PTPN4: variants seen among roughly 807,000 people sequenced by gnomAD.
PTPN4 encodes protein tyrosine phosphatase non-receptor type 4, also known as tyrosine-protein phosphatase non-receptor type 4.
In PTPN4, 49 loss-of-function variants were observed where a neutral mutation model predicts 135.5. The observed-to-expected ratio is 0.36, with a 90% CI of 0.29 to 0.46. The LOEUF (loss-of-function observed/expected upper bound fraction) is 0.46, where lower values mean the gene tolerates loss of function less well. Ranked by LOEUF, PTPN4 falls within the 20% of genes least tolerant of loss-of-function variation. The pLI, the probability that PTPN4 is intolerant of heterozygous loss-of-function variation, is 1.00. For missense variants in PTPN4, 860 were observed against 1,101.0 expected (o/e 0.78, Z 3.10); for synonymous variants, 333 against 369.9 (o/e 0.90, Z 1.14).
chr2:119,913,165 G>A (rs1349240685), intron 10 of PTPN4, among the ~76,000 whole-genome samples: 1 of 151,948 alleles, frequency 6.6e-6, no homozygotes, highest in Non-Finnish European at 1.5e-5. Flanking sequence ...GAATTATGTT[G>A]CTCTGAACAT....
chr2:119,798,030 A>G (rs1691294226), intron 1 of PTPN4, among the ~76,000 whole-genome samples: 1 of 152,150 alleles, frequency 6.6e-6, no homozygotes, highest in African/African-American at 2.4e-5. Context: ...AATATTTACA[A>G]TTTTATAGGT....
chr2:119,922,218 T>TAA (rs34480531), intron 12 of PTPN4, among the ~76,000 whole-genome samples: 12 of 120,870 alleles, frequency 9.9e-5, no homozygotes, highest in Non-Finnish European at 1.8e-4. Flanking sequence ...CAATCTGATT[T>TAA]AAAAAAAAAA....
intron 1 of PTPN4, among the ~76,000 whole-genome samples, chr2:119,797,555 TCAGGTCAAGAAGATC>T (rs1294762831): frequency 7.9e-5 from 12 of 152,214 alleles, no homozygotes; most frequent in Admixed American, 7.9e-4. Flanking sequence ...ATGTCCTTTA[TCAGGTCAAGAAGATC>T]CAGCTGATCT....
intron 2 of PTPN4, among the ~76,000 whole-genome samples, chr2:119,824,258 A>C (rs1022837664): frequency 1.3e-5 from 2 of 152,214 alleles, no homozygotes; most frequent in Admixed American, 1.3e-4. Context: ...GCACTTAAAA[A>C]GGATGTCTGT....
chr2:119,910,894 A>G (rs978438770), intron 10 of PTPN4, among the ~76,000 whole-genome samples: 3 of 152,182 alleles, frequency 2.0e-5, no homozygotes, highest in African/African-American at 7.2e-5. Context: ...CAGTGTGAGA[A>G]TGGACTAATA....
chr2:119,862,171 G>A (rs974126441), intron 2 of PTPN4, among the ~76,000 whole-genome samples: 5 of 152,070 alleles, frequency 3.3e-5, no homozygotes, highest in African/African-American at 1.2e-4. Context: ...TCAATCAAAT[G>A]TTTCTTTGTA....
intron 2 of PTPN4, among the ~76,000 whole-genome samples, chr2:119,844,854 A>G (rs988917988): frequency 4.7e-5 from 7 of 149,980 alleles, no homozygotes; most frequent in Non-Finnish European, 8.9e-5. Flanking sequence ...ACGGTGTGGC[A>G]GCCGGGCAGA....
At chr2:119,820,883 A>ATG (rs35898780) in intron 2 of PTPN4, among the ~76,000 whole-genome samples, 37,092 of 141,794 alleles carry the variant, frequency 0.26, 4,390 homozygotes, top group South Asian at 0.34. Context: ...ACATACACAC[A>ATG]TGTGTGTGTA....
chr2:119,838,251 T>C (rs1400829410), intron 2 of PTPN4, among the ~76,000 whole-genome samples: 2 of 152,060 alleles, frequency 1.3e-5, no homozygotes, highest in Non-Finnish European at 2.9e-5. Flanking sequence ...CAGGGGTACA[T>C]GTGCAGGATG....
At chr2:119,876,161 T>C (rs1366220601) in intron 3 of PTPN4, among the ~76,000 whole-genome samples, 1 of 152,124 alleles carries the variant, frequency 6.6e-6, no homozygotes, top group Non-Finnish European at 1.5e-5. Flanking sequence ...GAAGAGACCA[T>C]ACAAGCTGTA....
intron 6 of PTPN4, 81 bp from the exon 7 acceptor site, chr2:119,882,015 GT>G (rs1678088103): frequency 1.5e-6 from 2 of 1,306,036 alleles, no homozygotes; most frequent in Admixed American, 3.4e-5. Context: ...GAAACTTCAA[GT>G]GTGATTGTTT....
At chr2:119,968,287 G>A (rs1318646270) in intron 26 of PTPN4, among the ~76,000 whole-genome samples, 1 of 152,078 alleles carries the variant, frequency 6.6e-6, no homozygotes, top group African/African-American at 2.4e-5. Context: ...TTTAATATCT[G>A]GCCTTTTACA....
chr2:119,764,919 A>G (rs1248871522), intron 1 of PTPN4, among the ~76,000 whole-genome samples: 1 of 152,240 alleles, frequency 6.6e-6, no homozygotes, highest in African/African-American at 2.4e-5. Context: ...TGAGAGGAAT[A>G]TAATGGGAAC....
intron 2 of PTPN4, among the ~76,000 whole-genome samples, chr2:119,826,302 T>C (rs1677144621): frequency 6.6e-6 from 1 of 152,242 alleles, no homozygotes; most frequent in Non-Finnish European, 1.5e-5. Context: ...ATTTTTCTCC[T>C]CACTCATGGA....
intron 2 of PTPN4, among the ~76,000 whole-genome samples, chr2:119,811,428 T>C (rs1676869022): frequency 6.6e-6 from 1 of 152,218 alleles, no homozygotes; most frequent in South Asian, 2.1e-4. Context: ...ATTTAGGATT[T>C]AGTGTGCTTT....
chr2:119,810,260 A>G (rs1287866321), intron 2 of PTPN4, among the ~76,000 whole-genome samples: 1 of 152,198 alleles, frequency 6.6e-6, no homozygotes, highest in Admixed American at 6.5e-5. Context: ...GTTTTCATAA[A>G]TGTGCTTGAG....
rs115425597 is a variant in PTPN4, at chr2:119,822,036, A to G, written c.138+12045A>G. 3.2e-3 allele frequency among the ~76,000 whole-genome samples: 491 copies of G among 152,186 alleles called. 2 individuals carry two copies. The highest frequency in any genetic ancestry group is 0.011 in the African/African-American group (466 of 41,526). ...TGTGCATGAAATCCACCAGCTTGCA[A>G]TATGACACTCTTTTGCTTTCCACTA... On this transcript the variant is annotated intron_variant, in intron 2 of 26. Coordinates refer to ENST00000263708, the MANE Select transcript of PTPN4 (RefSeq NM_002830.4).
In PTPN4 at chr2:119,967,950, G is replaced by A. The variant is rs770247266; in HGVS notation, c.2672G>A (p.Arg891Gln). The A allele has an allele frequency of 3.7e-6, 6 of 1,602,086 alleles. No individual in the cohort carries two copies. The African/African-American group carries it at 4.0e-5, about 11-fold the overall frequency. ...LDIVRTMRDQRAMMIQTPSQY... is the reference protein window; with the variant it reads ...LDIVRTMRDQQAMMIQTPSQY... The stretch of plus-strand genomic sequence containing the variant: ...ATTGTAAGAACAATGAGAGATCAGC[G>A]AGCCATGATGATCCAAACACCTGTG... Residue 891 changes from arginine (R) to glutamine (Q), a missense_variant, in exon 26 of 27, where the codon CGA becomes CAA. By Grantham distance (43) the Arg-to-Gln change is conservative (BLOSUM62 1). Transcript: ENST00000263708.
intron 2 of PTPN4, among the ~76,000 whole-genome samples, chr2:119,845,736 T>C (rs1419935828): frequency 2.0e-5 from 3 of 152,114 alleles, no homozygotes; most frequent in African/African-American, 7.2e-5. Context: ...GCACTAACTT[T>C]TCTTTCTTTG....
Sources: gnomAD v4.1 joint callset for allele counts (sites outside exome capture counted in the v4.1 genomes callset) on GRCh38, gnomAD v4.1.1 for gene constraint, MANE v1.5 for transcripts, NCBI Gene and HGNC (gene_info 2026-07-23, HGNC 2026-07-21) for gene names.